TNFRSF19: variants seen among roughly 807,000 people sequenced by gnomAD.
TNFRSF19 encodes the protein tumor necrosis factor receptor superfamily member 19.
TNFRSF19 carries 27 observed loss-of-function variants against 46.4 expected under a neutral mutation model. That is an observed-to-expected ratio of 0.58 (90% CI 0.43 to 0.80). TNFRSF19 has a LOEUF of 0.80. Ranked by LOEUF, TNFRSF19 falls within the 30% of genes least tolerant of loss-of-function variation. The pLI is 0.00. For missense variants in TNFRSF19, 511 were observed against 530.8 expected (o/e 0.96, Z 0.37); for synonymous variants, 204 against 205.0 (o/e 1.00, Z 0.04).
At chr13:23,611,779 A>G (rs183776295) in intron 3 of TNFRSF19, among the ~76,000 whole-genome samples, 2 of 152,336 alleles carry the variant, frequency 1.3e-5, no homozygotes, top group East Asian at 3.9e-4. Flanking sequence ...AGGTCATCTG[A>G]TCAATACAAA....
intron 1 of TNFRSF19, among the ~76,000 whole-genome samples, chr13:23,585,239 T>C (rs1235133122): frequency 6.6e-6 from 1 of 152,174 alleles, no homozygotes; most frequent in African/African-American, 2.4e-5. Context: ...ACCAATTGCA[T>C]GCACTGCATC....
chr13:23,664,209 T>C (rs1365800440), intron 7 of TNFRSF19, among the ~76,000 whole-genome samples: 1 of 152,210 alleles, frequency 6.6e-6, no homozygotes, highest in African/African-American at 2.4e-5. Context: ...ATCTTTGTTC[T>C]CATTAGTTTC....
chr13:23,574,747 G>A lies in TNFRSF19; in HGVS notation c.-35+3899G>A, dbSNP rs182259588. Among the ~76,000 whole-genome samples, 25 of 152,286 alleles carry A rather than the reference G, an allele frequency of 1.6e-4. No individual in the cohort carries two copies. In the East Asian group the frequency reaches 4.2e-3, roughly 26 times the overall value. Reference sequence around the variant, plus strand: ...CACCTGGGTGAGCTCTGTGATGGGAGGGCAGAGGGAGGCTCCCTGGTGGCT... The same window carrying A: ...CACCTGGGTGAGCTCTGTGATGGGAAGGCAGAGGGAGGCTCCCTGGTGGCT... On this transcript the variant is annotated intron_variant, in intron 1 of 9. Coordinates refer to ENST00000248484, the MANE Select transcript of TNFRSF19 (RefSeq NM_148957.4).
chr13:23,634,292 C>T (rs1420971436), intron 5 of TNFRSF19, among the ~76,000 whole-genome samples: 1 of 152,192 alleles, frequency 6.6e-6, no homozygotes, highest in Admixed American at 6.5e-5. Flanking sequence ...TGTGCCTGAG[C>T]CTTTGGTGGG....
At position 23,669,192 on chromosome 13, in the gene TNFRSF19, T is replaced by G. The variant is rs185330768; in HGVS notation, c.1245+95T>G. 1,346 of 1,290,442 alleles carry G rather than the reference T, an allele frequency of 1.0e-3. 8 individuals are homozygous for G. In the African/African-American group the frequency reaches 0.018, roughly 17 times the overall value. 79.9% of individuals were successfully genotyped at this position (1,290,442 alleles called of 1,614,324 possible). A position where few individuals can be genotyped will look rare whatever the true frequency, so the allele number is the denominator to read the frequency against. The stretch of plus-strand genomic sequence containing the variant: ...ATAAGATTTGGGGGAACCTGATGAG[T>G]TTTTTTTTTGCATCTTTAATAATTT... On this transcript the variant is annotated intron_variant, in intron 9 of 9. Transcript: ENST00000248484.
At chr13:23,571,243 A>C (rs1877617147) in intron 1 of TNFRSF19, among the ~76,000 whole-genome samples, 1 of 152,216 alleles carries the variant, frequency 6.6e-6, no homozygotes, top group Non-Finnish European at 1.5e-5. Context: ...GCTTGTTGAA[A>C]ATGCTTTCTT....
chr13:23,664,080 C>T (rs1480259865), intron 7 of TNFRSF19, among the ~76,000 whole-genome samples: 2 of 151,928 alleles, frequency 1.3e-5, no homozygotes, highest in African/African-American at 4.8e-5. Context: ...CAAATTCTTT[C>T]TGTTGTAATG....
intron 5 of TNFRSF19, among the ~76,000 whole-genome samples, chr13:23,627,275 C>G (rs543430087): frequency 3.3e-5 from 5 of 152,172 alleles, no homozygotes; most frequent in Non-Finnish European, 7.4e-5. Flanking sequence ...TTCACTTCAT[C>G]CATTCCTTCT....
chr13:23,647,734 A>G, intron 5 of TNFRSF19, among the ~76,000 whole-genome samples: 1 of 152,184 alleles, frequency 6.6e-6, no homozygotes, highest in East Asian at 1.9e-4. Flanking sequence ...TAGGTCTCTG[A>G]TCTATTTTTA....
intron 4 of TNFRSF19, among the ~76,000 whole-genome samples, chr13:23,624,619 G>A (rs8000610): frequency 0.091 from 13,754 of 151,784 alleles, 706 homozygotes; most frequent in Middle Eastern, 0.12. Flanking sequence ...TACTATTTTT[G>A]TCATAGAAAA....
rs1883507785 is a variant in TNFRSF19 at position 23,649,369 on chromosome 13, TTG to T, written c.446-9679_446-9678del. Among the ~76,000 whole-genome samples the T allele has an allele frequency of 3.3e-5, 5 of 152,306 alleles. No individual in the cohort carries two copies. In the South Asian group the frequency reaches 1.0e-3, roughly 32 times the overall value. ...TGTTGGCATATGACTGTTTATAGTA[TTG>T]TCTTATAATCCTTTTTATTTCTGTA... is the stretch of plus-strand genomic sequence containing the variant. On this transcript the variant is annotated intron_variant, in intron 5 of 9. Coordinates refer to ENST00000248484, the MANE Select transcript of TNFRSF19 (RefSeq NM_148957.4).
In TNFRSF19 at chr13:23,588,828, GA is replaced by G. The variant is rs554878251; in HGVS notation, c.-34-1316del. On this transcript the variant is annotated intron_variant, in intron 1 of 9. Coordinates refer to ENST00000248484, the MANE Select transcript of TNFRSF19 (RefSeq NM_148957.4). ...GTTATGACCAAGTAGCTGGAAAAGT[GA>G]AAAAAGCTGTTTGAATTCACTTCAA... 7.2e-5 allele frequency among the ~76,000 whole-genome samples: 11 copies of G among 152,294 alleles called. No homozygotes were observed. The East Asian group carries it at 2.1e-3, about 29-fold the overall frequency.
chr13:23,631,013 A>G (rs1463219623), intron 5 of TNFRSF19, among the ~76,000 whole-genome samples: 1 of 151,966 alleles, frequency 6.6e-6, no homozygotes, highest in African/African-American at 2.4e-5. Flanking sequence ...CTGACCTGCA[A>G]CTCTTAGGAA....
intron 1 of TNFRSF19, among the ~76,000 whole-genome samples, chr13:23,574,170 G>A (rs1566155227): frequency 6.6e-6 from 1 of 151,272 alleles, no homozygotes; most frequent in Non-Finnish European, 1.5e-5. Context: ...CCAAACAACT[G>A]CCCTCATAAT....
chr13:23,586,334 GTAATTA>G (rs2138165832), intron 1 of TNFRSF19, among the ~76,000 whole-genome samples: 1 of 152,148 alleles, frequency 6.6e-6, no homozygotes, highest in East Asian at 1.9e-4. Context: ...GAGTAACAAG[GTAATTA>G]TAGCAGTGAG....
intron 4 of TNFRSF19, among the ~76,000 whole-genome samples, chr13:23,622,156 C>A (rs1441824065): frequency 1.3e-5 from 2 of 152,234 alleles, no homozygotes; most frequent in East Asian, 3.9e-4. Context: ...GTAATCCCAG[C>A]ACTTTGGGAG....
At chr13:23,592,679 C>T (rs1879401259) in intron 2 of TNFRSF19, among the ~76,000 whole-genome samples, 1 of 152,150 alleles carries the variant, frequency 6.6e-6, no homozygotes, top group South Asian at 2.1e-4. Context: ...CCATCTTTAT[C>T]ATCATCACCA....
chr13:23,646,505 C>T (rs936557604), intron 5 of TNFRSF19, among the ~76,000 whole-genome samples: 1 of 152,088 alleles, frequency 6.6e-6, no homozygotes, highest in African/African-American at 2.4e-5. Context: ...TTTGCCAATT[C>T]TAGGTATCTC....
At chr13:23,574,745 G>C (rs78733824) in intron 1 of TNFRSF19, among the ~76,000 whole-genome samples, 1 of 152,214 alleles carries the variant, frequency 6.6e-6, no homozygotes, top group African/African-American at 2.4e-5. Context: ...TCTGTGATGG[G>C]AGGGCAGAGG....
Sources: gnomAD v4.1 joint callset for allele counts (sites outside exome capture counted in the v4.1 genomes callset) on GRCh38, gnomAD v4.1.1 for gene constraint, MANE v1.5 for transcripts, NCBI Gene and HGNC (gene_info 2026-07-23, HGNC 2026-07-21) for gene names.